Variants in NRCAM observed in about 807,000 individuals in gnomAD.
NRCAM encodes NgCAM-related cell adhesion molecule.
Under a neutral mutation model 156.5 loss-of-function variants are expected in NRCAM, and 83 were observed. The ratio of observed to expected loss-of-function variants is 0.53; its 90% CI spans 0.44 to 0.64. The LOEUF is 0.64. Ranked by LOEUF, NRCAM falls within the 30% of genes least tolerant of loss-of-function variation. The pLI is 0.00. For missense variants in NRCAM, 1,417 were observed against 1,597.3 expected (o/e 0.89, Z 1.92); for synonymous variants, 538 against 563.9 (o/e 0.95, Z 0.65).
chr7:108,164,956 TGTC>T lies in NRCAM; in HGVS notation c.3466+1962_3466+1964del, dbSNP rs1251649083. On this transcript the variant is annotated intron_variant, in intron 30 of 32. Transcript: ENST00000379028. ...GTGAAAAATAATTTTCTAAAGGAGT[TGTC>T]TTTTGTCCTATAGAAGGACAACAAA... Among the ~76,000 whole-genome samples, 7 of 152,180 alleles carry T rather than the reference TGTC, an allele frequency of 4.6e-5. No individual in the cohort carries two copies. The East Asian group carries it at 1.3e-3, about 29-fold the overall frequency.
chr7:108,445,744 TTTAA>T lies in NRCAM; in HGVS notation c.-332+10495_-332+10498del, dbSNP rs1264162192. Among the ~76,000 whole-genome samples, 15 of 152,298 alleles carry T rather than the reference TTTAA, an allele frequency of 9.8e-5. No homozygotes were observed. The South Asian group carries it at 1.0e-3, about 11-fold the overall frequency. ...TGTAGTAGCCTAGTTCTTCTCAAATTTTAATTAATCAAAGATGTTACATAACTTT... is the reference window on the plus strand; with the variant it reads ...TGTAGTAGCCTAGTTCTTCTCAAATTTTAATCAAAGATGTTACATAACTTT... On this transcript the variant is annotated intron_variant, in intron 1 of 32. Coordinates refer to ENST00000379028, the MANE Select transcript of NRCAM (RefSeq NM_001037132.4).
At chr7:108,454,169 G>A (rs1853793922) in intron 1 of NRCAM, among the ~76,000 whole-genome samples, 3 of 152,158 alleles carry the variant, frequency 2.0e-5, no homozygotes, top group Admixed American at 6.5e-5. Context: ...ATGTAAAGGA[G>A]TTACATGGGA....
At chr7:108,366,242 C>G (rs1292038294) in intron 2 of NRCAM, among the ~76,000 whole-genome samples, 1 of 152,106 alleles carries the variant, frequency 6.6e-6, no homozygotes, top group Non-Finnish European at 1.5e-5. Flanking sequence ...TACAGCAGCA[C>G]AAAAAGACCA....
At chr7:108,396,354 T>C (rs912002292) in intron 2 of NRCAM, among the ~76,000 whole-genome samples, 1 of 152,252 alleles carries the variant, frequency 6.6e-6, no homozygotes, top group Non-Finnish European at 1.5e-5. Context: ...CTGACCATTC[T>C]GTGGACTTCA....
chr7:108,184,774 G>A (rs3819740), intron 20 of NRCAM, among the ~76,000 whole-genome samples, 160 bp from the exon 21 acceptor site: 103,313 of 151,956 alleles, frequency 0.68, 37,173 homozygotes, highest in East Asian at 0.96. Context: ...TTTCAGAGTT[G>A]TCATTATCCT....
intron 1 of NRCAM, among the ~76,000 whole-genome samples, chr7:108,436,762 T>C (rs1832734071): frequency 6.6e-6 from 1 of 152,150 alleles, no homozygotes; most frequent in Non-Finnish European, 1.5e-5. Flanking sequence ...ATCCAAATAA[T>C]TTATGACCTC....
intron 8 of NRCAM, among the ~76,000 whole-genome samples, chr7:108,230,325 A>T (rs1246443582): frequency 6.6e-6 from 1 of 151,864 alleles, no homozygotes; most frequent in Non-Finnish European, 1.5e-5. Context: ...CTCAAGTCCA[A>T]GTCACCAACA....
chr7:108,318,206 C>T (rs948181247), intron 2 of NRCAM, among the ~76,000 whole-genome samples: 6 of 151,462 alleles, frequency 4.0e-5, no homozygotes, highest in African/African-American at 7.3e-5. Context: ...CCACCATGCC[C>T]GGCTAATTTT....
chr7:108,363,761 C>T (rs564290953), intron 2 of NRCAM, among the ~76,000 whole-genome samples: 4 of 152,250 alleles, frequency 2.6e-5, no homozygotes, highest in African/African-American at 9.6e-5. Context: ...CCTCTGTGGC[C>T]TTAGCCCTAG....
At chr7:108,316,414 T>C (rs1408783060) in intron 2 of NRCAM, among the ~76,000 whole-genome samples, 1 of 152,192 alleles carries the variant, frequency 6.6e-6, no homozygotes, top group Non-Finnish European at 1.5e-5. Flanking sequence ...TAGTACTCTG[T>C]TGCACAAAAC....
chr7:108,182,001 G>T, intron 23 of NRCAM, 64 bp from the exon 24 acceptor site: 3 of 1,243,144 alleles, frequency 2.4e-6, no homozygotes, highest in East Asian at 2.4e-5. Context: ...CCATAAATAT[G>T]ACTCTCTCTA....
intron 3 of NRCAM, among the ~76,000 whole-genome samples, chr7:108,263,366 T>G (rs1485131987): frequency 6.6e-6 from 1 of 152,198 alleles, no homozygotes; most frequent in Non-Finnish European, 1.5e-5. Flanking sequence ...TAACACTAAC[T>G]CCAAAGGTTA....
chr7:108,168,335 A>G lies in NRCAM; in HGVS notation c.3255T>C (p.Ser1085=). ...CATGCTCTGGTCCCTCATATTCCCAACTGATATTGGCATAGGTCTCAGCAG... is the reference window on the plus strand; with the variant it reads ...CATGCTCTGGTCCCTCATATTCCCAGCTGATATTGGCATAGGTCTCAGCAG... ...AAAAETYANI[S]WEYEGPEHVN... Residue 1085 remains serine (S), a synonymous_variant, in exon 29 of 33, where the codon AGT becomes AGC. Coordinates refer to ENST00000379028, the MANE Select transcript of NRCAM (RefSeq NM_001037132.4). The G allele has an allele frequency of 1.2e-6, 2 of 1,610,228 alleles. No homozygotes were observed. The highest frequency in any genetic ancestry group is 4.5e-5 in the East Asian group (2 of 44,674).
At chr7:108,403,985 T>C (rs1426888970) in intron 1 of NRCAM, among the ~76,000 whole-genome samples, 1 of 152,180 alleles carries the variant, frequency 6.6e-6, no homozygotes, top group Non-Finnish European at 1.5e-5. Context: ...TTTTAAGTTC[T>C]CCTGGCTGCT....
chr7:108,168,213 G>GTT, intron 29 of NRCAM, 64 bp downstream of exon 29: 1 of 1,419,902 alleles, frequency 7.0e-7, no homozygotes. Context: ...TCTTAAGAAT[G>GTT]TTTTTAATCT....
At chr7:108,247,377 A>T (rs1013378143) in intron 3 of NRCAM, among the ~76,000 whole-genome samples, 1 of 152,192 alleles carries the variant, frequency 6.6e-6, no homozygotes, top group South Asian at 2.1e-4. Context: ...GGCCGAACCT[A>T]AATTAGTAAA....
chr7:108,219,490 A>T (rs2091302016), intron 11 of NRCAM, among the ~76,000 whole-genome samples: 1 of 152,236 alleles, frequency 6.6e-6, no homozygotes, highest in African/African-American at 2.4e-5. Flanking sequence ...CATATCAAAA[A>T]GATAATCCAC....
chr7:108,191,356 C>G, intron 18 of NRCAM, 73 bp from the exon 19 acceptor site: 6 of 1,133,116 alleles, frequency 5.3e-6, no homozygotes, highest in Non-Finnish European at 7.7e-6. Flanking sequence ...CACAAGATGA[C>G]AAAGACTGTA....
intron 1 of NRCAM, among the ~76,000 whole-genome samples, chr7:108,444,255 T>C (rs1842017626): frequency 6.6e-6 from 1 of 152,180 alleles, no homozygotes; most frequent in African/African-American, 2.4e-5. Context: ...GAATAGCCTC[T>C]GATTTTGATA....
Sources: allele counts gnomAD v4.1 joint callset (sites outside exome capture counted in the v4.1 genomes callset), GRCh38; gene constraint gnomAD v4.1.1; transcripts MANE v1.5; gene names NCBI Gene and HGNC (gene_info 2026-07-23, HGNC 2026-07-21).